The following NBEAL1 variants were observed in gnomAD, a reference collection of about 807,000 sequenced individuals.
NBEAL1 encodes neurobeachin like 1.
In NBEAL1, 273 loss-of-function variants were observed where a neutral mutation model predicts 351.3. The ratio of observed to expected loss-of-function variants is 0.78; its 90% CI spans 0.70 to 0.86. The LOEUF (loss-of-function observed/expected upper bound fraction) is 0.86. NBEAL1 is among the 40% of genes least tolerant of loss of function. The pLI, the probability that NBEAL1 is intolerant of heterozygous loss-of-function variation, is 0.00. For synonymous variants in NBEAL1, 1,050 were observed against 1,086.4 expected, an observed-to-expected ratio of 0.97 and a Z score of 0.66; for missense variants, 2,961 against 3,201.3, an observed-to-expected ratio of 0.92 and a Z score of 1.81.
intron 12 of NBEAL1, 75 bp downstream of exon 12, chr2:203,099,787 G>A (rs2062272375): frequency 1.1e-6 from 1 of 945,192 alleles, no homozygotes; most frequent in South Asian, 1.6e-5. Context: ...GTGCAGGTTT[G>A]TTATATAGGT....
rs542826847 is a variant in NBEAL1, at chr2:203,183,294, G to T, written c.6611G>T (p.Arg2204Leu). 5 of 1,575,170 alleles carry T rather than the reference G, an allele frequency of 3.2e-6. No homozygotes were observed. Among genetic ancestry groups the T allele is most frequent in the Non-Finnish European group, 4.3e-6 (5 of 1,159,050 alleles). ...LENQNQFNLG[R>L]LQISKELVND... ...CATGTCTTAGAATTTAACTTGGGTC[G>T]TCTACAGATTTCCAAAGAATTAGTA... is the stretch of plus-strand genomic sequence containing the variant. The change falls in exon 44 of 56, where the codon CGT (arginine) becomes CTT (leucine). Residue 2204 changes from arginine (R) to leucine (L), a missense_variant. By Grantham distance (102) the Arg-to-Leu change is moderately radical. Transcript: ENST00000683969.
intron 16 of NBEAL1, among the ~76,000 whole-genome samples, 187 bp downstream of exon 16, chr2:203,112,285 C>T (rs1320962147): frequency 2.0e-5 from 3 of 151,860 alleles, no homozygotes; most frequent in Non-Finnish European, 4.4e-5. Flanking sequence ...TGAAGTCAGA[C>T]AATGTGAAAA....
At chr2:203,159,467 T>G (rs1003630483) in intron 36 of NBEAL1, among the ~76,000 whole-genome samples, 6 of 152,306 alleles carry the variant, frequency 3.9e-5, no homozygotes, top group Admixed American at 1.3e-4. Flanking sequence ...ACAATTTGTA[T>G]CTGGCTTATT....
At chr2:203,032,387 G>A (rs2060962752) in intron 2 of NBEAL1, among the ~76,000 whole-genome samples, 1 of 152,110 alleles carries the variant, frequency 6.6e-6, no homozygotes, top group Non-Finnish European at 1.5e-5. Flanking sequence ...GCTGGGCACG[G>A]TGGCTCACAC....
intron 42 of NBEAL1, among the ~76,000 whole-genome samples, chr2:203,179,759 A>G (rs2064643123): frequency 6.6e-6 from 1 of 152,034 alleles, no homozygotes; most frequent in Non-Finnish European, 1.5e-5. Context: ...TTCACTTTCT[A>G]TAATAAATTT....
At chr2:203,017,422 T>A (rs2060699610) in intron 2 of NBEAL1, among the ~76,000 whole-genome samples, 1 of 152,178 alleles carries the variant, frequency 6.6e-6, no homozygotes, top group Non-Finnish European at 1.5e-5. Context: ...TGATATATAT[T>A]ATAATTGCTA....
At chr2:203,059,679 G>A (rs1426600326) in intron 6 of NBEAL1, among the ~76,000 whole-genome samples, 1 of 152,182 alleles carries the variant, frequency 6.6e-6, no homozygotes, top group African/African-American at 2.4e-5. Flanking sequence ...TTAGTGCCGT[G>A]ACTACCTTTT....
chr2:203,083,359 G>T lies in NBEAL1; in HGVS notation c.825G>T (p.Val275=). ...AELTLKCLTE[V]VHILLSSNSD... is the part of the protein sequence containing the mutation. ...TAACTCTGAAGTGCCTTACAGAAGT[G>T]GTACATATCCTTCTCAGTAGCAACT... The change falls in exon 9 of 56, where the codon GTG becomes GTT. Residue 275 remains valine (V), a synonymous_variant. Transcript: ENST00000683969. 2 of 1,554,930 alleles carry T rather than the reference G, an allele frequency of 1.3e-6. No individual in the cohort carries two copies. The highest frequency in any genetic ancestry group is 4.8e-5 in the East Asian group (2 of 41,894).
At chr2:203,158,407 C>G (rs2063853771) in intron 36 of NBEAL1, among the ~76,000 whole-genome samples, 1 of 152,086 alleles carries the variant, frequency 6.6e-6, no homozygotes, top group Non-Finnish European at 1.5e-5. Flanking sequence ...GAAACAAATT[C>G]TTTGAAAGAT....
chr2:203,044,569 T>C (rs2061196532), intron 3 of NBEAL1, among the ~76,000 whole-genome samples: 1 of 152,202 alleles, frequency 6.6e-6, no homozygotes, highest in Non-Finnish European at 1.5e-5. Flanking sequence ...ATGTTTAAAG[T>C]AACATGAAGA....
chr2:203,139,109 A>T (rs1315776625), intron 31 of NBEAL1, among the ~76,000 whole-genome samples: 2 of 152,082 alleles, frequency 1.3e-5, no homozygotes, highest in Admixed American at 6.5e-5. Context: ...TTATTTTTTA[A>T]ATTATTCCTT....
chr2:203,198,141 T>C (rs907513319), intron 48 of NBEAL1, among the ~76,000 whole-genome samples: 19 of 150,542 alleles, frequency 1.3e-4, no homozygotes, highest in Admixed American at 6.7e-4. Flanking sequence ...GCCTCCTGAG[T>C]AGCTGGGACT....
chr2:203,019,511 T>G (rs1030859970), intron 2 of NBEAL1, among the ~76,000 whole-genome samples: 1 of 152,164 alleles, frequency 6.6e-6, no homozygotes, highest in Non-Finnish European at 1.5e-5. Flanking sequence ...TGGTTTGATG[T>G]CTACACAAAA....
intron 10 of NBEAL1, 64 bp from the exon 11 acceptor site, chr2:203,097,483 A>C (rs1480772533): frequency 1.1e-5 from 7 of 631,402 alleles, no homozygotes; most frequent in South Asian, 7.0e-5. Context: ...TTTAAGCTTC[A>C]TTGCTGCTTA....
chr2:203,125,290 G>GTATGT (rs1255106655), intron 19 of NBEAL1, 62 bp from the exon 20 acceptor site: 1 of 1,160,922 alleles, frequency 8.6e-7, no homozygotes, highest in Admixed American at 3.2e-5. Flanking sequence ...TACATGTGAA[G>GTATGT]ATATTAAATG....
intron 10 of NBEAL1, among the ~76,000 whole-genome samples, chr2:203,096,936 A>G (rs1051065337): frequency 3.3e-5 from 5 of 152,174 alleles, no homozygotes; most frequent in African/African-American, 1.2e-4. Context: ...TTTTGTGTGT[A>G]TTAGTCCATT....
chr2:203,156,496 C>T (rs1205928062), intron 35 of NBEAL1, among the ~76,000 whole-genome samples: 1 of 152,194 alleles, frequency 6.6e-6, no homozygotes, highest in African/African-American at 2.4e-5. Flanking sequence ...TCCTTCTTTT[C>T]ACTTTTTATT....
chr2:203,154,672 C>A (rs957479159), intron 35 of NBEAL1, among the ~76,000 whole-genome samples: 3 of 152,024 alleles, frequency 2.0e-5, no homozygotes, highest in Non-Finnish European at 4.4e-5. Context: ...TTGGAACACA[C>A]CCACTTGTAA....
chr2:203,057,327 T>G lies in NBEAL1; in HGVS notation c.389T>G (p.Leu130Ter). ...ITMTTLYIQQ[L>*]KSKKKEKEMA... ...ATTTATGTTTAACTTTGTTCTCAGTTAAAAAGCAAAAAAAAAGAGAAGGAA... is the reference window on the plus strand; with the variant it reads ...ATTTATGTTTAACTTTGTTCTCAGTGAAAAAGCAAAAAAAAAGAGAAGGAA... Residue 130 changes from leucine to a stop codon, truncating the protein, a stop_gained and splice_region_variant, in exon 6 of 56, where the codon TTA (leucine) becomes TGA (stop). Transcript: ENST00000683969. LOFTEE classifies it high-confidence loss of function. 6.5e-7 allele frequency: 1 copy of G among 1,547,364 alleles called. No homozygotes were observed. The highest frequency in any genetic ancestry group is 8.7e-7 in the Non-Finnish European group (1 of 1,144,462).
Sources: gnomAD v4.1 joint callset for allele counts (sites outside exome capture counted in the v4.1 genomes callset) on GRCh38, gnomAD v4.1.1 for gene constraint, MANE v1.5 for transcripts, NCBI Gene and HGNC (gene_info 2026-07-23, HGNC 2026-07-21) for gene names.